Variants in POLR1C observed in about 807,000 individuals in gnomAD.
The protein encoded by POLR1C is RNA polymerase I and III subunit C.
POLR1C carries 42 observed loss-of-function variants against 38.3 expected under a neutral mutation model. The observed-to-expected ratio is 1.10, with a 90% CI of 0.86 to 1.42. The LOEUF (loss-of-function observed/expected upper bound fraction) is 1.42, where lower values mean the gene tolerates loss of function less well. Ranked by LOEUF, POLR1C falls within the 40% of genes most tolerant of loss-of-function variation. POLR1C has a pLI of 0.00. For missense variants in POLR1C, 507 were observed against 450.5 expected (o/e 1.13, Z -1.14); for synonymous variants, 163 against 163.9 (o/e 0.99, Z 0.04).
chr6:43,523,841 C>T (rs1793359556), downstream of POLR1C: 1 of 1,613,792 alleles, frequency 6.2e-7, no homozygotes, highest in Non-Finnish European at 8.5e-7. Context: ...ACAAGAAAGG[C>T]CGAGGAAGGA....
chr6:43,527,806 G>C (rs1793693395), intron 8 of POLR1C: 1 of 1,478,530 alleles, frequency 6.8e-7, no homozygotes, highest in Admixed American at 1.8e-5. Context: ...ACCCTAATCA[G>C]ACTCTCTCTG....
At chr6:43,530,860 A>G, downstream of POLR1C, 1 of 1,593,520 alleles carries the variant, frequency 6.3e-7, no homozygotes, top group Non-Finnish European at 8.5e-7. Flanking sequence ...GAAAATGACA[A>G]ATCCAACATC....
chr6:43,535,216 C>T (rs1000468892), intron 9 of POLR1C, among the ~76,000 whole-genome samples: 7 of 143,400 alleles, frequency 4.9e-5, no homozygotes, highest in African/African-American at 7.8e-5. Flanking sequence ...GCCAAGACTG[C>T]GCCACTGCAC....
chr6:43,536,787 A>AAAAAG (rs1561869430), intron 9 of POLR1C, among the ~76,000 whole-genome samples: 6 of 148,548 alleles, frequency 4.0e-5, no homozygotes, highest in African/African-American at 1.5e-4. Context: ...AAAAAAAAAA[A>AAAAAG]AAAGCAGCTT....
downstream of POLR1C, among the ~76,000 whole-genome samples, chr6:43,531,849 A>G (rs2127708700): frequency 6.6e-6 from 1 of 152,286 alleles, no homozygotes; most frequent in South Asian, 2.1e-4. Flanking sequence ...ACAACTCAAA[A>G]GTATTTTTCC....
chr6:43,557,099 G>C (rs1762129601), intron 10 of POLR1C, among the ~76,000 whole-genome samples: 1 of 142,666 alleles, frequency 7.0e-6, no homozygotes, highest in Admixed American at 7.1e-5. Flanking sequence ...TTGCACTCCA[G>C]CCTGGGCGAC....
At position 43,521,380 on chromosome 6, in the gene POLR1C, T is replaced by C; in HGVS notation, c.*80T>C. The C allele has an allele frequency of 1.2e-6, 2 of 1,608,304 alleles. No individual in the cohort carries two copies. Among genetic ancestry groups the C allele is most frequent in the Non-Finnish European group, 1.7e-6 (2 of 1,178,560 alleles). ...CAGGACTGCTGAACAGAGAGCCCAG[T>C]GTGACTAGGGATCCTGAGTTTTCTG... On this transcript the variant is annotated 3_prime_UTR_variant, in exon 9 of 9. Coordinates refer to ENST00000642195, the MANE Select transcript of POLR1C (RefSeq NM_203290.4).
At chr6:43,527,480 G>C (rs1188519279) in intron 8 of POLR1C, 5 of 681,502 alleles carry the variant, frequency 7.3e-6, no homozygotes, top group Non-Finnish European at 1.2e-5. Context: ...CACCATGTTG[G>C]CCAGGATGGT....
At chr6:43,527,567 T>C (rs1793679207) in intron 8 of POLR1C, 3 of 1,528,774 alleles carry the variant, frequency 2.0e-6, no homozygotes, top group Admixed American at 1.7e-5. Context: ...CTTCATGGAG[T>C]TGGCTGAGCG....
At position 43,529,422 on chromosome 6, in the gene POLR1C, C is replaced by T. The variant is rs369325487; in HGVS notation, c.*67C>T. 2.4e-3 allele frequency: 817 copies of T among 339,610 alleles called. 5 individuals are homozygous for T. The highest frequency in any genetic ancestry group is 0.012 in the South Asian group (528 of 43,494). 21.0% of individuals were successfully genotyped at this position (339,610 alleles called of 1,614,324 possible). ...AAAAAAAATTAGTCGGGCATGGGGG[C>T]GAGCGCCTGTAGTCCCAGCTACTCG... On this transcript the variant is annotated 3_prime_UTR_variant, in exon 9 of 9. Coordinates refer to the POLR1C transcript ENST00000304004.
chr6:43,523,939 T>C (rs1177519808), downstream of POLR1C: 12 of 1,614,010 alleles, frequency 7.4e-6, no homozygotes, highest in Non-Finnish European at 1.0e-5. Flanking sequence ...ATTGGCTTTG[T>C]TTTTTTGAAA....
Position 43,520,683 on chromosome 6 carries a change from C to CATCA in POLR1C, c.715_718dup (p.Thr240AsnfsTer5), listed in dbSNP as rs1793118207. 2 of 1,614,152 alleles carry CATCA rather than the reference C, an allele frequency of 1.2e-6. No homozygotes were observed. Among genetic ancestry groups the CATCA allele is most frequent in the Non-Finnish European group, 1.7e-6 (2 of 1,179,992 alleles). On this transcript the variant is annotated frameshift_variant, in exon 7 of 9. Coordinates refer to ENST00000642195, the MANE Select transcript of POLR1C (RefSeq NM_203290.4). LOFTEE classifies it high-confidence loss of function. ...CAGCCAGTTACAGGCTCCTGCCAGACATCACCCTGCTTGAGCCCGTGGAAG... is the reference window on the plus strand; with the variant it reads ...CAGCCAGTTACAGGCTCCTGCCAGACATCAATCACCCTGCTTGAGCCCGTGGAAG...
At chr6:43,519,906 G>C in intron 4 of POLR1C, 68 bp downstream of exon 4, 3 of 1,565,560 alleles carry the variant, frequency 1.9e-6, no homozygotes, top group Non-Finnish European at 1.7e-6. Context: ...GTGATGTTGG[G>C]TAAGTTACTT....
chr6:43,526,682 T>C, intron 8 of POLR1C: 1 of 1,613,888 alleles, frequency 6.2e-7, no homozygotes, highest in Non-Finnish European at 8.5e-7. Flanking sequence ...CAGGCTCACT[T>C]ACCGTCTCCA....
At chr6:43,538,218 C>T (rs1210250703) in intron 9 of POLR1C, among the ~76,000 whole-genome samples, 1 of 121,726 alleles carries the variant, frequency 8.2e-6, no homozygotes, top group Non-Finnish European at 1.6e-5. Context: ...GGCGTGATCT[C>T]AGCTCAATGC....
intron 9 of POLR1C, chr6:43,548,460 G>T: frequency 6.5e-7 from 1 of 1,539,068 alleles, no homozygotes; most frequent in South Asian, 1.2e-5. Flanking sequence ...TCAAAATTGG[G>T]CTACAGATCA....
At chr6:43,524,923 T>C (rs1793464381), downstream of POLR1C, 1 of 1,613,862 alleles carries the variant, frequency 6.2e-7, no homozygotes, top group Non-Finnish European at 8.5e-7. Flanking sequence ...AGCACACTGG[T>C]GAAAAGCCAC....
chr6:43,520,846 C>A (rs543605130), intron 7 of POLR1C, 72 bp downstream of exon 7: 3 of 1,598,940 alleles, frequency 1.9e-6, no homozygotes, highest in Non-Finnish European at 2.6e-6. Flanking sequence ...GAAATAAAAA[C>A]CCTGGGCTCC....
At chr6:43,539,826 G>GT in intron 9 of POLR1C, 1 of 526,532 alleles carries the variant, frequency 1.9e-6, no homozygotes, top group Non-Finnish European at 3.3e-6. Context: ...TAGGCCTGGA[G>GT]TTTTTTGGTC....
Sources: allele counts gnomAD v4.1 joint callset (sites outside exome capture counted in the v4.1 genomes callset), GRCh38; gene constraint gnomAD v4.1.1; transcripts MANE v1.5; gene names NCBI Gene and HGNC (gene_info 2026-07-23, HGNC 2026-07-21).